Variants in CPEB1 observed in about 807,000 individuals in gnomAD.
The protein encoded by CPEB1 is cytoplasmic polyadenylation element binding protein 1, also known as cytoplasmic polyadenylation element-binding protein 1.
CPEB1 carries 7 observed loss-of-function variants against 65.8 expected under a neutral mutation model. The ratio of observed to expected loss-of-function variants is 0.11; its 90% CI spans 0.06 to 0.20. The LOEUF (loss-of-function observed/expected upper bound fraction) is 0.20, where lower values mean the gene tolerates loss of function less well. CPEB1 is among the 10% of genes least tolerant of loss of function. The pLI is 1.00. For missense variants in CPEB1, 551 were observed against 712.2 expected (o/e 0.77, Z 2.58); for synonymous variants, 262 against 260.0 (o/e 1.01, Z -0.08).
chr15:82,544,723 G>A, intron 12 of CPEB1, 21 bp from the exon 13 acceptor site: 1 of 1,575,564 alleles, frequency 6.3e-7, no homozygotes, highest in Non-Finnish European at 8.7e-7. Context: ...GGAACAAAAA[G>A]GAGGATGCCA....
intron 4 of CPEB1, among the ~76,000 whole-genome samples, chr15:82,558,927 A>G (rs2037715930): frequency 6.6e-6 from 1 of 150,848 alleles, no homozygotes; most frequent in South Asian, 2.1e-4. Context: ...GGTGTGCTAA[A>G]TCTAGGAAAG....
chr15:82,616,192 A>G (rs1023292644), intron 3 of CPEB1, among the ~76,000 whole-genome samples: 4 of 151,920 alleles, frequency 2.6e-5, no homozygotes, highest in Admixed American at 6.6e-5. Flanking sequence ...ATATCATTCT[A>G]TTTCTTGATT....
intron 3 of CPEB1, among the ~76,000 whole-genome samples, chr15:82,620,747 G>A (rs2045230448): frequency 6.6e-6 from 1 of 152,166 alleles, no homozygotes; most frequent in Admixed American, 6.5e-5. Context: ...AGGCTGCAGT[G>A]AGCTATGATC....
intron 3 of CPEB1, among the ~76,000 whole-genome samples, chr15:82,577,217 T>C (rs1033738320): frequency 1.3e-5 from 2 of 152,168 alleles, no homozygotes; most frequent in African/African-American, 2.4e-5. Flanking sequence ...CACACCACTA[T>C]GTCCAACTAT....
intron 3 of CPEB1, among the ~76,000 whole-genome samples, chr15:82,572,401 G>T (rs1335019550): frequency 6.6e-6 from 1 of 152,162 alleles, no homozygotes; most frequent in East Asian, 1.9e-4. Flanking sequence ...TGGCAGAGTG[G>T]GGGAGAGTCA....
intron 1 of CPEB1, among the ~76,000 whole-genome samples, chr15:82,646,838 T>TCC (rs2047593372): frequency 6.6e-6 from 1 of 150,592 alleles, no homozygotes; most frequent in African/African-American, 2.4e-5. Flanking sequence ...TGTGGGTGAG[T>TCC]CCCCCCACAC....
chr15:82,597,812 C>T lies in CPEB1; in HGVS notation c.272-26280G>A, dbSNP rs373607256. Among the ~76,000 whole-genome samples, 3 of 152,128 alleles carry T rather than the reference C, an allele frequency of 2.0e-5. No individual in the cohort carries two copies. The East Asian group carries it at 5.8e-4, about 29-fold the overall frequency. On this transcript the variant is annotated intron_variant, in intron 3 of 12. Transcript: ENST00000684509. ...TCCAGCCTGCATGACAAGAATGAGA[C>T]CCTGTCTCAAAAAACAAAAACCAGC...
chr15:82,562,394 A>G (rs112202228), intron 4 of CPEB1: 3,542 of 305,612 alleles, frequency 0.012, 37 homozygotes, highest in Non-Finnish European at 0.017. Context: ...CAGAATCTGC[A>G]TTTTTAAAAG....
rs17270866 is a variant in CPEB1 at position 82,555,024 on chromosome 15, C to T, written c.940+846G>A. On this transcript the variant is annotated intron_variant, in intron 6 of 12. Coordinates refer to ENST00000684509, the MANE Select transcript of CPEB1 (RefSeq NM_001365242.1). ...GCCCAACTCTGTGAGCAAACAGACA[C>T]ACTGAAGCCTATGGAAACAAATGGA... 7.2e-3 allele frequency among the ~76,000 whole-genome samples: 1,100 copies of T among 152,290 alleles called. 6 individuals carry two copies. Among genetic ancestry groups the T allele is most frequent in the Non-Finnish European group, 0.013 (870 of 68,036 alleles).
At chr15:82,648,543 A>G (rs2047757661), upstream of CPEB1, 1 of 152,368 alleles carries the variant, frequency 6.6e-6, no homozygotes, top group Non-Finnish European at 1.5e-5. Flanking sequence ...AGTTCTCCGG[A>G]GAAACCGCTT....
At chr15:82,634,711 T>G (rs2046520274) in intron 1 of CPEB1, among the ~76,000 whole-genome samples, 1 of 152,186 alleles carries the variant, frequency 6.6e-6, no homozygotes, top group Admixed American at 6.5e-5. Flanking sequence ...CTGAAGTATT[T>G]TTCCTCCATT....
intron 3 of CPEB1, among the ~76,000 whole-genome samples, chr15:82,597,431 C>CA (rs2042751757): frequency 6.6e-6 from 1 of 152,124 alleles, no homozygotes; most frequent in Admixed American, 6.5e-5. Flanking sequence ...TTTCGTGGGG[C>CA]AGGGGAGATC....
At chr15:82,546,567 G>C (rs753963023) in intron 11 of CPEB1, 46 bp from the exon 12 acceptor site, 2 of 1,442,392 alleles carry the variant, frequency 1.4e-6, no homozygotes, top group South Asian at 2.3e-5. Flanking sequence ...TTCTTACCAG[G>C]AGGCTCGATA....
intron 4 of CPEB1, among the ~76,000 whole-genome samples, chr15:82,568,408 G>A (rs1427906786): frequency 1.3e-5 from 2 of 152,046 alleles, no homozygotes; most frequent in Non-Finnish European, 1.5e-5. Flanking sequence ...TGAGAAAAAC[G>A]CACTTATAAC....
intron 3 of CPEB1, among the ~76,000 whole-genome samples, chr15:82,592,436 G>A (rs946321852): frequency 1.3e-5 from 2 of 151,668 alleles, no homozygotes; most frequent in South Asian, 2.1e-4. Flanking sequence ...AAAAATACAG[G>A]GACTGGTACG....
chr15:82,628,363 C>T lies in CPEB1; in HGVS notation c.96+1G>A, dbSNP rs1008453232. The T allele has an allele frequency of 4.3e-6, 3 of 702,678 alleles. No individual in the cohort carries two copies. Among genetic ancestry groups the T allele is most frequent in the Non-Finnish European group, 7.8e-6 (3 of 384,836 alleles). The allele number at this position is 702,678 out of a possible 1,614,324, so 43.5% of individuals were successfully genotyped here. ...TTGGAGAAATCCAAGAGTTAACATA[C>T]CAGAGGAATTAGCAGAAGACAATCT... On this transcript the variant is annotated splice_donor_variant, in intron 2 of 12. Coordinates refer to ENST00000684509, the MANE Select transcript of CPEB1 (RefSeq NM_001365242.1). LOFTEE classifies it high-confidence loss of function.
chr15:82,607,326 G>A (rs1008959919), intron 3 of CPEB1, among the ~76,000 whole-genome samples: 21 of 152,234 alleles, frequency 1.4e-4, no homozygotes, highest in Admixed American at 2.6e-4. Context: ...GGTGGCTCAC[G>A]CCTGTAATCC....
intron 12 of CPEB1, among the ~76,000 whole-genome samples, chr15:82,546,223 C>A (rs1272965584): frequency 1.3e-5 from 2 of 152,316 alleles, no homozygotes; most frequent in East Asian, 3.9e-4. Context: ...TATTCGCCTG[C>A]CTCAGCCTCC....
At chr15:82,596,341 T>C (rs2042661367) in intron 3 of CPEB1, among the ~76,000 whole-genome samples, 1 of 152,150 alleles carries the variant, frequency 6.6e-6, no homozygotes, top group Admixed American at 6.5e-5. Flanking sequence ...CAAATGCAAG[T>C]ATTAATAAGC....
Sources: gnomAD v4.1 joint callset for allele counts (sites outside exome capture counted in the v4.1 genomes callset) on GRCh38, gnomAD v4.1.1 for gene constraint, MANE v1.5 for transcripts, NCBI Gene and HGNC (gene_info 2026-07-23, HGNC 2026-07-21) for gene names.